The following IRS4 variants were observed in gnomAD, a reference collection of about 807,000 sequenced individuals.
IRS4 encodes the protein 160 kDa phosphotyrosine protein.
Under a neutral mutation model 48.6 loss-of-function variants are expected in IRS4, and 15 were observed. The observed-to-expected ratio is 0.31, with a 90% CI of 0.21 to 0.48. The LOEUF (loss-of-function observed/expected upper bound fraction) is 0.48. IRS4 is among the 20% of genes least tolerant of loss of function. IRS4 has a pLI of 0.99. For synonymous variants in IRS4, 459 were observed against 413.2 expected (o/e 1.11, Z -1.34); for missense variants, 987 against 1,023.4 (o/e 0.96, Z 0.49).
rs1227607918 is a variant in IRS4 at position 108,734,313 on chromosome X, T to C, written c.2032A>G (p.Ile678Val). 4.1e-6 allele frequency: 5 copies of C among 1,210,985 alleles called. No individual in the cohort carries two copies. The East Asian group carries it at 1.5e-4, about 36-fold the overall frequency. Residue 678 changes from isoleucine to valine, a missense_variant, in exon 1 of 2, where the codon ATC becomes GTC. Physicochemically the swap from Ile to Val is conservative, Grantham distance 29. Transcript: ENST00000372129. The part of the protein sequence containing the change: ...KEAKEVKDAE[I>V]PEGAARGPHR... ...GGACCTCGAGCTGCACCTTCTGGGATCTCTGCATCTTTCACTTCTTTGGCT... is the reference window on the plus strand; with the variant it reads ...GGACCTCGAGCTGCACCTTCTGGGACCTCTGCATCTTTCACTTCTTTGGCT...
Position 108,733,686 on chromosome X carries a change from T to C in IRS4, c.2659A>G (p.Lys887Glu). The part of the protein sequence containing the change: ...SDHEPPKNKA[K>E]RPNRLSFITK... Reference sequence around the variant, plus strand: ...ATAAAAGAAAGTCGGTTAGGTCTCTTAGCTTTATTCTTTGGGGGCTCATGA... The same window carrying C: ...ATAAAAGAAAGTCGGTTAGGTCTCTCAGCTTTATTCTTTGGGGGCTCATGA... The change falls in exon 1 of 2, where the codon AAG (lysine) becomes GAG (glutamate). Residue 887 changes from lysine to glutamate, a missense_variant. Coordinates refer to ENST00000372129, the MANE Select transcript of IRS4 (RefSeq NM_001379150.1). 3 of 1,211,965 alleles carry C rather than the reference T, an allele frequency of 2.5e-6. No homozygotes were observed. The highest frequency in any genetic ancestry group is 3.3e-6 in the Non-Finnish European group (3 of 895,593).
chrX:108,732,924 C>A lies in IRS4; in HGVS notation c.3421G>T (p.Ala1141Ser), dbSNP rs765226469. The change falls in exon 1 of 2, where the codon GCC (alanine) becomes TCC (serine). Residue 1141 changes from alanine (A) to serine (S), a missense_variant. Physicochemically the swap from Ala to Ser is moderately conservative, Grantham distance 99 (BLOSUM62 1). Around this residue, in one of 4 missense-constraint regions of IRS4, gnomAD observed 720 missense variants for 660.3 expected, o/e 1.09. Transcript: ENST00000372129. ...GCTGCGCCGATGCCCGGGGCTGCGG[C>A]GAGCGCGGAGGCCGCAGCTACAACT... ...SQVVAAASAL[A>S]AAPGIGAAAA... is the part of the protein sequence containing the mutation. The A allele has an allele frequency of 8.5e-7, 1 of 1,180,290 alleles. No homozygotes were observed. The highest frequency in any genetic ancestry group is 1.1e-6 in the Non-Finnish European group (1 of 878,976).
chrX:108,729,623 C>T (rs2068889887), intron 1 of IRS4, among the ~76,000 whole-genome samples: 1 of 112,130 alleles, frequency 8.9e-6, no homozygotes, highest in African/African-American at 3.2e-5. Context: ...TTTATTAATA[C>T]AGTCATGTCT....
chrX:108,728,999 T>C (rs749034297), intron 1 of IRS4, among the ~76,000 whole-genome samples: 1 of 112,137 alleles, frequency 8.9e-6, no homozygotes, highest in African/African-American at 3.2e-5. Flanking sequence ...TTAGTTAACT[T>C]TAATTAAGTG....
chrX:108,726,543 T>C (rs747835443), intron 1 of IRS4: 7 of 111,663 alleles, frequency 6.3e-5, no homozygotes, highest in African/African-American at 2.3e-4. Context: ...CATAAAACTT[T>C]AAAAAGCAAG....
Position 108,735,304 on chromosome X carries a change from G to A in IRS4, c.1041C>T (p.Ile347=), listed in dbSNP as rs777792093. 18 of 1,209,551 alleles carry A rather than the reference G, an allele frequency of 1.5e-5. No individual in the cohort carries two copies. The Admixed American group carries it at 2.4e-4, about 16-fold the overall frequency. ...ACAGCAGGGTTAACAGGTGGGCGCC[G>A]ATGCTGATGCTGTAGCTGCGGCAGC... ...RARCRSYSIS[I]GAHLLTLLSA... is the part of the protein sequence containing the mutation. Residue 347 remains isoleucine, a synonymous_variant, in exon 1 of 2, where the codon ATC becomes ATT. Coordinates refer to ENST00000372129, the MANE Select transcript of IRS4 (RefSeq NM_001379150.1).
At position 108,734,555 on chromosome X, in the gene IRS4, C is replaced by T. The variant is rs758966186; in HGVS notation, c.1790G>A (p.Gly597Glu). Residue 597 changes from glycine to glutamate, a missense_variant, in exon 1 of 2, where the codon GGG (glycine) becomes GAG (glutamate). This residue lies in a region of IRS4 where 720 missense variants were observed against 660.3 expected (regional missense o/e 1.09). Coordinates refer to ENST00000372129, the MANE Select transcript of IRS4 (RefSeq NM_001379150.1). The stretch of plus-strand genomic sequence containing the variant: ...TTCACCATCACCATCGGATCCTTTC[C>T]CACTTCCTGAGCCTTTGCCCCCCCC... ...NSGGGKGSGSGKGSDGDGERG... is the reference protein window; with the variant it reads ...NSGGGKGSGSEKGSDGDGERG... The T allele has an allele frequency of 2.7e-5, 33 of 1,211,633 alleles. No homozygotes were observed. The South Asian group carries it at 5.6e-4, about 21-fold the overall frequency.
At position 108,733,093 on chromosome X, in the gene IRS4, G is replaced by A. The variant is rs781022944; in HGVS notation, c.3252C>T (p.Arg1084=). 1.1e-5 allele frequency: 13 copies of A among 1,210,210 alleles called. No homozygotes were observed. In the Admixed American group the frequency reaches 1.5e-4, roughly 14 times the overall value. The part of the protein sequence containing the change: ...LLQEEEQERR[R]PQSRSQSFFA... Reference sequence around the variant, plus strand: ...AGAAACTTTGAGAACGGCTTTGTGGGCGTCTTCTCTCCTGCTCTTCTTCCT... The same window carrying A: ...AGAAACTTTGAGAACGGCTTTGTGGACGTCTTCTCTCCTGCTCTTCTTCCT... The change falls in exon 1 of 2, where the codon CGC becomes CGT. Residue 1084 remains arginine, a synonymous_variant. Coordinates refer to ENST00000372129, the MANE Select transcript of IRS4 (RefSeq NM_001379150.1).
chrX:108,732,592 G>C lies in IRS4; in HGVS notation c.3753C>G (p.Asp1251Glu), dbSNP rs1270268406. 5.0e-6 allele frequency: 6 copies of C among 1,209,465 alleles called. No individual in the cohort carries two copies. In the African/African-American group the frequency reaches 7.0e-5, roughly 14 times the overall value. Residue 1251 changes from aspartate to glutamate, a missense_variant, in exon 1 of 2, where the codon GAC (aspartate) becomes GAG (glutamate). Transcript: ENST00000372129. Reference sequence around the variant, plus strand: ...AAAATTACCGACCTCTTTTGGGAGAGTCGAACTGATTATCACGTCTGGCAA... The same window carrying C: ...AAAATTACCGACCTCTTTTGGGAGACTCGAACTGATTATCACGTCTGGCAA... The part of the protein sequence containing the change: ...MDFARRDNQF[D>E]SPKRE
At chrX:108,728,833 G>A (rs1204155073) in intron 1 of IRS4, among the ~76,000 whole-genome samples, 1 of 111,656 alleles carries the variant, frequency 9.0e-6, no homozygotes, top group Non-Finnish European at 1.9e-5. Context: ...AAGAGATCTC[G>A]TTCGAATTTT....
In IRS4 at chrX:108,734,074, A is replaced by T. The variant is rs745356850; in HGVS notation, c.2271T>A (p.Ser757Arg). The change falls in exon 1 of 2, where the codon AGT (serine) becomes AGA (arginine). Residue 757 changes from serine to arginine, a missense_variant. Ser to Arg is a moderately radical substitution (Grantham distance 110). Transcript: ENST00000372129. ...FPRVSPPPAP[S>R]PPKAPDTNKE... is the part of the protein sequence containing the mutation. ...TATTAGTATCAGGTGCTTTTGGAGG[A>T]CTCGGAGCAGGTGGTGGGCTCACTC... is the stretch of plus-strand genomic sequence containing the variant. 19 of 1,209,233 alleles carry T rather than the reference A, an allele frequency of 1.6e-5. No individual in the cohort carries two copies. The African/African-American group carries it at 3.0e-4, about 19-fold the overall frequency.
intron 1 of IRS4, chrX:108,722,797 G>A (rs752999791): frequency 9.6e-5 from 15 of 156,836 alleles, no homozygotes; most frequent in Admixed American, 1.4e-4. Flanking sequence ...ATCTTTGCAC[G>A]TGCGTGCACT....
chrX:108,733,394 C>T lies in IRS4; in HGVS notation c.2951G>A (p.Arg984His). The T allele has an allele frequency of 8.3e-7, 1 of 1,211,448 alleles. No individual in the cohort carries two copies. The highest frequency in any genetic ancestry group is 1.1e-6 in the Non-Finnish European group (1 of 895,434). The change falls in exon 1 of 2, where the codon CGT (arginine) becomes CAT (histidine). Residue 984 changes from arginine to histidine, a missense_variant. Transcript: ENST00000372129. ...DLSDLLRAIP[R>H]ANPLSLDSAR... ...ACTGTCCAGAGATAAGGGGTTGGCA[C>T]GTGGTATAGCTCTTAAAAGATCTGA...
At position 108,732,639 on chromosome X, in the gene IRS4, C is replaced by G. The variant is rs1388281347; in HGVS notation, c.3706G>C (p.Asp1236His). 5 of 1,211,602 alleles carry G rather than the reference C, an allele frequency of 4.1e-6. No individual in the cohort carries two copies. The highest frequency in any genetic ancestry group is 5.6e-6 in the Non-Finnish European group (5 of 895,389). ...PEREDSDNDD[D>H]THVRMDFARR... ...GCAAAATCCATTCTCACGTGAGTGT[C>G]GTCGTCGTTGTCAGAATCTTCTCTC... Residue 1236 changes from aspartate to histidine, a missense_variant, in exon 1 of 2, where the codon GAC (aspartate) becomes CAC (histidine). Asp to His is a moderately conservative substitution (Grantham distance 81). Around this residue, in one of 4 missense-constraint regions of IRS4, gnomAD observed 720 missense variants for 660.3 expected, o/e 1.09. Coordinates refer to ENST00000372129, the MANE Select transcript of IRS4 (RefSeq NM_001379150.1).
Position 108,736,528 on chromosome X carries a change from C to T in IRS4, c.-184G>A, listed in dbSNP as rs2068956223. The T allele has an allele frequency of 5.4e-6, 4 of 735,976 alleles. No homozygotes were observed. Among genetic ancestry groups the T allele is most frequent in the Admixed American group, 3.3e-5 (1 of 29,923 alleles). 60.7% of individuals were successfully genotyped at this position (735,976 alleles called of 1,213,427 possible). On this transcript the variant is annotated 5_prime_UTR_variant, in exon 1 of 2. In the 5' UTR this introduces an upstream ATG that the reference lacks. Transcript: ENST00000372129. ...AAAACAACACGTGACCACAGCCTCACGCGGCGGCCGCTGCGGATCCTGCTA... is the reference window on the plus strand; with the variant it reads ...AAAACAACACGTGACCACAGCCTCATGCGGCGGCCGCTGCGGATCCTGCTA...
Position 108,733,529 on chromosome X carries a change from T to C in IRS4, c.2816A>G (p.Gln939Arg). 1 of 1,212,001 alleles carries C rather than the reference T, an allele frequency of 8.3e-7. No individual in the cohort carries two copies. The highest frequency in any genetic ancestry group is 1.7e-5 in the African/African-American group (1 of 57,924). ...TATGCCCCACGAATCTGGTAGTCCTTGAGTAGAGGGAGCTGGTGTATTGCT... is the reference window on the plus strand; with the variant it reads ...TATGCCCCACGAATCTGGTAGTCCTCGAGTAGAGGGAGCTGGTGTATTGCT... ...RESNTPAPST[Q>R]GLPDSWGIIA... Residue 939 changes from glutamine to arginine, a missense_variant, in exon 1 of 2, where the codon CAA becomes CGA. Around this residue, in one of 4 missense-constraint regions of IRS4, gnomAD observed 720 missense variants for 660.3 expected, o/e 1.09. Coordinates refer to ENST00000372129, the MANE Select transcript of IRS4 (RefSeq NM_001379150.1).
In IRS4 at chrX:108,732,882, A is replaced by G. The variant is rs1381590705; in HGVS notation, c.3463T>C (p.Phe1155Leu). The change falls in exon 1 of 2, where the codon TTT becomes CTT. Residue 1155 changes from phenylalanine (F) to leucine (L), a missense_variant. Transcript: ENST00000372129. ...AACCAGCGGGCAGAGGCGGAGTCAA[A>G]TCCAGCAGCTGCGGCTGCTGCGCCG... ...GIGAAAAAAGFDSASARWFQP... is the reference protein window; with the variant it reads ...GIGAAAAAAGLDSASARWFQP... The G allele has an allele frequency of 8.6e-7, 1 of 1,167,672 alleles. No homozygotes were observed. The highest frequency in any genetic ancestry group is 1.8e-5 in the African/African-American group (1 of 55,696).
chrX:108,734,811 A>G lies in IRS4; in HGVS notation c.1534T>C (p.Ser512Pro), dbSNP rs200202171. The G allele has an allele frequency of 1.2e-5, 15 of 1,208,599 alleles. No individual in the cohort carries two copies. In the East Asian group the frequency reaches 3.6e-4, roughly 29 times the overall value. Residue 512 changes from serine (S) to proline (P), a missense_variant, in exon 1 of 2, where the codon TCC (serine) becomes CCC (proline). Ser to Pro is a moderately conservative substitution (Grantham distance 74). This residue lies in a region of IRS4 where 720 missense variants were observed against 660.3 expected (regional missense o/e 1.09). Transcript: ENST00000372129. ...TTTCCTCCCGAGCTATGGCTACTGG[A>G]GCCTTGGCCATTTGAGCCCTGGCCA... ...GGGQGSNGQG[S>P]SSHSSGGNQC... is the part of the protein sequence containing the mutation.
chrX:108,732,906 C>A lies in IRS4; in HGVS notation c.3439G>T (p.Gly1147Cys). ...AATCCAGCAGCTGCGGCTGCTGCGC[C>A]GATGCCCGGGGCTGCGGCGAGCGCG... is the stretch of plus-strand genomic sequence containing the variant. ...ASALAAAPGI[G>C]AAAAAAGFDS... The change falls in exon 1 of 2, where the codon GGC becomes TGC. Residue 1147 changes from glycine (G) to cysteine (C), a missense_variant. This residue lies in a region of IRS4 where 720 missense variants were observed against 660.3 expected (regional missense o/e 1.09). Coordinates refer to ENST00000372129, the MANE Select transcript of IRS4 (RefSeq NM_001379150.1). The A allele has an allele frequency of 8.5e-7, 1 of 1,172,178 alleles. No homozygotes were observed. Among genetic ancestry groups the A allele is most frequent in the Non-Finnish European group, 1.1e-6 (1 of 875,669 alleles).
Sources: allele counts gnomAD v4.1 joint callset (sites outside exome capture counted in the v4.1 genomes callset), GRCh38; gene constraint gnomAD v4.1.1; regional missense constraint gnomAD v4.1.1; transcripts MANE v1.5; gene names NCBI Gene and HGNC (gene_info 2026-07-23, HGNC 2026-07-21).